Variants in FCN2 observed in about 807,000 individuals in gnomAD.
FCN2 encodes the protein ficolin 2.
Under a neutral mutation model 32.5 loss-of-function variants are expected in FCN2, and 31 were observed. The observed-to-expected ratio is 0.96, with a 90% CI of 0.72 to 1.29. FCN2 has a LOEUF of 1.29. Among genes scored for constraint, FCN2 ranks in the 50% most tolerant of loss-of-function variants. FCN2 has a pLI of 0.00. For synonymous variants in FCN2, 181 were observed against 164.5 expected, an observed-to-expected ratio of 1.10 and a Z score of -0.77; for missense variants, 412 against 406.5, an observed-to-expected ratio of 1.01 and a Z score of -0.12.
chr9:134,874,708 A>G, the FCN2 span, among the ~76,000 whole-genome samples: 3 of 152,218 alleles, frequency 2.0e-5, no homozygotes, highest in Non-Finnish European at 2.9e-5. Flanking sequence ...GTTTTTCCAT[A>G]TAAATTTTAG....
At chr9:134,886,305 G>T in intron 6 of FCN2, 125 bp from the exon 7 acceptor site, 2 of 1,131,808 alleles carry the variant, frequency 1.8e-6, no homozygotes, top group South Asian at 1.2e-5. Flanking sequence ...GGGATGCTGC[G>T]GTGCTCTCCG....
chr9:134,885,371 G>A lies in FCN2; in HGVS notation c.429+5G>A, dbSNP rs1373741802. 6.2e-7 allele frequency: 1 copy of A among 1,613,296 alleles called. No homozygotes were observed. The highest frequency in any genetic ancestry group is 1.7e-5 in the Admixed American group (1 of 59,896). On this transcript the variant is annotated splice_donor_5th_base_variant and intron_variant, in intron 5 of 7. Coordinates refer to ENST00000291744, the MANE Select transcript of FCN2 (RefSeq NM_004108.3). ...ACGGACGGAGGGGGCTGGACCGTGA[G>A]TGTGGGGCTGGGCAGAGGCGGTCAG...
At chr9:134,869,025 G>T in the FCN2 span, among the ~76,000 whole-genome samples, 1 of 152,180 alleles carries the variant, frequency 6.6e-6, no homozygotes, top group Non-Finnish European at 1.5e-5. Context: ...GACGGAGACC[G>T]TATGACTCGC....
At chr9:134,867,494 G>A in the FCN2 span, among the ~76,000 whole-genome samples, 1 of 111,844 alleles carries the variant, frequency 8.9e-6, no homozygotes, top group Non-Finnish European at 1.7e-5. Context: ...CTGTGGTGGG[G>A]TGGGGGGAGG....
At chr9:134,886,350 G>A in intron 6 of FCN2, 80 bp from the exon 7 acceptor site, 1 of 1,562,320 alleles carries the variant, frequency 6.4e-7, no homozygotes, top group South Asian at 1.1e-5. Context: ...CCTCCTTCCA[G>A]GCCCTGCCCC....
chr9:134,867,303 T>C, the FCN2 span, among the ~76,000 whole-genome samples: 1 of 151,194 alleles, frequency 6.6e-6, no homozygotes, highest in Non-Finnish European at 1.5e-5. Context: ...TGGAATACTA[T>C]GCAGCCATAA....
chr9:134,865,867 A>G, the FCN2 span, among the ~76,000 whole-genome samples: 4 of 152,182 alleles, frequency 2.6e-5, no homozygotes, highest in African/African-American at 4.8e-5. Flanking sequence ...GAGCCAAATC[A>G]TGAGTGAACT....
the FCN2 span, among the ~76,000 whole-genome samples, chr9:134,868,628 C>CT: frequency 6.6e-6 from 1 of 152,230 alleles, no homozygotes; most frequent in Non-Finnish European, 1.5e-5. The surrounding 1 kb of genome is among the most constrained non-coding windows in gnomAD (Gnocchi z 4.3). Context: ...GCCCGCAGAG[C>CT]TTTGCACCCA....
At chr9:134,870,829 G>C in the FCN2 span, among the ~76,000 whole-genome samples, 2 of 152,088 alleles carry the variant, frequency 1.3e-5, no homozygotes, top group Non-Finnish European at 2.9e-5. This position sits in a 1 kb window ranked among gnomAD's most constrained non-coding sequence, Gnocchi z 4.3. Flanking sequence ...AGGTGGGAGG[G>C]AAGCTGGCAG....
At chr9:134,865,760 A>C in the FCN2 span, among the ~76,000 whole-genome samples, 31 of 152,318 alleles carry the variant, frequency 2.0e-4, no homozygotes, top group Admixed American at 9.8e-4. Context: ...ACAAAATGAA[A>C]AATATTTTTT....
At chr9:134,868,007 G>A in the FCN2 span, among the ~76,000 whole-genome samples, 1 of 152,304 alleles carries the variant, frequency 6.6e-6, no homozygotes, top group Admixed American at 6.5e-5. This position sits in a 1 kb window ranked among gnomAD's most constrained non-coding sequence, Gnocchi z 4.3. Flanking sequence ...TGGCAGCCCA[G>A]AGCACAAAGC....
rs2133011056 is a variant in FCN2 at position 134,887,298 on chromosome 9, G to T, written c.825G>T (p.Leu275=). The T allele has an allele frequency of 6.2e-7, 1 of 1,614,184 alleles. No homozygotes were observed. The highest frequency in any genetic ancestry group is 1.3e-5 in the African/African-American group (1 of 75,032). Reference sequence around the variant, plus strand: ...ACAAAAACTGCCATGTGTCAAACCTGAATGGTCGCTACCTCAGGGGGACTC... The same window carrying T: ...ACAAAAACTGCCATGTGTCAAACCTTAATGGTCGCTACCTCAGGGGGACTC... ...WWYKNCHVSN[L]NGRYLRGTHG... is the part of the protein sequence containing the mutation. Residue 275 remains leucine (L), a synonymous_variant, in exon 8 of 8, where the codon CTG becomes CTT. Transcript: ENST00000291744.
chr9:134,870,965 C>T, the FCN2 span, among the ~76,000 whole-genome samples: 1 of 152,168 alleles, frequency 6.6e-6, no homozygotes, highest in Non-Finnish European at 1.5e-5. This position sits in a 1 kb window ranked among gnomAD's most constrained non-coding sequence, Gnocchi z 4.3. Context: ...AGAGGCGCTG[C>T]CCTCTGACCC....
At chr9:134,865,659 C>G in the FCN2 span, among the ~76,000 whole-genome samples, 1 of 152,228 alleles carries the variant, frequency 6.6e-6, no homozygotes, top group East Asian at 1.9e-4. Context: ...ATCCACCAAG[C>G]AGTGGCAGCT....
upstream of FCN2, among the ~76,000 whole-genome samples, chr9:134,880,313 T>C (rs1163021267): frequency 2.6e-5 from 4 of 152,130 alleles, no homozygotes; most frequent in African/African-American, 4.8e-5. Flanking sequence ...CTGGACCTCA[T>C]AGTGGCAGTT....
chr9:134,865,499 G>A, the FCN2 span, among the ~76,000 whole-genome samples: 6 of 152,326 alleles, frequency 3.9e-5, 1 homozygote, highest in East Asian at 1.2e-3. Context: ...TTATGGGTGA[G>A]TTAACTTTTT....
the FCN2 span, among the ~76,000 whole-genome samples, chr9:134,865,465 A>G: frequency 6.6e-6 from 1 of 152,334 alleles, no homozygotes; most frequent in South Asian, 2.1e-4. Flanking sequence ...AACACACACT[A>G]CAGAGGCCCT....
At position 134,883,330 on chromosome 9, in the gene FCN2, G is replaced by A; in HGVS notation, c.243G>A (p.Gly81=). ...AACGTGGCCCCCCTGGACCTCCTGGGAAGGCAGGACCACCTGGGCCCAACG... is the reference window on the plus strand; with the variant it reads ...AACGTGGCCCCCCTGGACCTCCTGGAAAGGCAGGACCACCTGGGCCCAACG... ...RGERGPPGPP[G]KAGPPGPNGA... The change falls in exon 3 of 8, where the codon GGG becomes GGA. Residue 81 remains glycine (G), a synonymous_variant. Coordinates refer to ENST00000291744, the MANE Select transcript of FCN2 (RefSeq NM_004108.3). The A allele has an allele frequency of 6.2e-7, 1 of 1,613,790 alleles. No homozygotes were observed. The highest frequency in any genetic ancestry group is 8.5e-7 in the Non-Finnish European group (1 of 1,179,750).
At chr9:134,883,241 G>C in intron 2 of FCN2, 61 bp from the exon 3 acceptor site, 1 of 1,365,642 alleles carries the variant, frequency 7.3e-7, no homozygotes, top group Non-Finnish European at 1.0e-6. Context: ...CAGCTCCAGG[G>C]TGGGCCCTTT....
Sources: allele counts gnomAD v4.1 joint callset (sites outside exome capture counted in the v4.1 genomes callset), GRCh38; gene constraint gnomAD v4.1.1; non-coding constraint Gnocchi (gnomAD v3.1); transcripts MANE v1.5; gene names NCBI Gene and HGNC (gene_info 2026-07-23, HGNC 2026-07-21).